Variants in LARGE1 observed in about 807,000 individuals in gnomAD.
LARGE1 encodes LARGE xylosyl- and glucuronyltransferase 1.
Under a neutral mutation model 87.6 loss-of-function variants are expected in LARGE1, and 43 were observed. The observed-to-expected ratio is 0.49, with a 90% CI of 0.38 to 0.63. The LOEUF is 0.63. LARGE1 is among the 30% of genes least tolerant of loss of function. The probability of loss-of-function intolerance (pLI) is 0.00; values close to 1 mark genes in which losing one functional copy is unlikely to be tolerated. For synonymous variants in LARGE1, 434 were observed against 394.6 expected (o/e 1.10, Z -1.18); for missense variants, 802 against 1,000.2 (o/e 0.80, Z 2.67).
chr22:33,101,413 G>A, the LARGE1 span, among the ~76,000 whole-genome samples: 1 of 152,172 alleles, frequency 6.6e-6, no homozygotes, highest in South Asian at 2.1e-4. Context: ...CTGAGATTTT[G>A]TAAGTAATGT....
intron 7 of LARGE1, among the ~76,000 whole-genome samples, chr22:33,387,139 G>C (rs2065352034): frequency 6.9e-6 from 1 of 144,996 alleles, no homozygotes; most frequent in African/African-American, 2.5e-5. Context: ...AACAAAAAAA[G>C]GGCGGGCAGG....
chr22:33,825,412 G>A (rs1380150658), intron 1 of LARGE1, among the ~76,000 whole-genome samples: 1 of 142,188 alleles, frequency 7.0e-6, no homozygotes, highest in African/African-American at 2.8e-5. Context: ...CCGAGACTGG[G>A]TAATTATAAA....
chr22:33,274,860 GTAA>G (rs1353290503), intron 14 of LARGE1, among the ~76,000 whole-genome samples: 5 of 152,292 alleles, frequency 3.3e-5, no homozygotes, highest in East Asian at 1.9e-4. Flanking sequence ...TAAGGTGAAA[GTAA>G]TAATATTCTT....
intron 1 of LARGE1, among the ~76,000 whole-genome samples, chr22:33,806,356 A>G (rs2086309152): frequency 1.3e-5 from 2 of 152,228 alleles, no homozygotes; most frequent in Non-Finnish European, 2.9e-5. Context: ...CACGTGAGCA[A>G]GCTGCAGTCC....
chr22:33,287,749 T>C (rs5754506), intron 12 of LARGE1, among the ~76,000 whole-genome samples: 38,835 of 151,974 alleles, frequency 0.26, 10,256 homozygotes, highest in African/African-American at 0.68. Context: ...GGACGATGAG[T>C]GAGAAAGCTG....
At chr22:33,387,426 CAA>C (rs758366490) in intron 7 of LARGE1, among the ~76,000 whole-genome samples, 344 of 67,340 alleles carry the variant, frequency 5.1e-3, no homozygotes, top group East Asian at 0.012. Flanking sequence ...GACTCTGTCT[CAA>C]AAAAAAAAAA....
At chr22:33,554,762 T>C (rs1266591014) in intron 6 of LARGE1, among the ~76,000 whole-genome samples, 4 of 152,226 alleles carry the variant, frequency 2.6e-5, no homozygotes, top group South Asian at 2.1e-4. Context: ...TCAATGACCT[T>C]TGGAGAAGAC....
At chr22:33,629,057 C>G (rs2080020571) in intron 3 of LARGE1, among the ~76,000 whole-genome samples, 1 of 152,182 alleles carries the variant, frequency 6.6e-6, no homozygotes, top group South Asian at 2.1e-4. Context: ...TCTGGGTTTT[C>G]TGGTACCTTT....
At chr22:33,667,225 C>T (rs2081294641) in intron 2 of LARGE1, among the ~76,000 whole-genome samples, 1 of 152,242 alleles carries the variant, frequency 6.6e-6, no homozygotes, top group African/African-American at 2.4e-5. Flanking sequence ...TTCCATCCTT[C>T]TCACATATTC....
chr22:33,653,148 G>C (rs1241642623), intron 2 of LARGE1, among the ~76,000 whole-genome samples: 1 of 152,132 alleles, frequency 6.6e-6, no homozygotes, highest in Non-Finnish European at 1.5e-5. Flanking sequence ...TGAACCTCTG[G>C]CTTCCTCGGG....
chr22:33,525,490 G>C (rs1210977945), intron 6 of LARGE1, among the ~76,000 whole-genome samples: 1 of 152,174 alleles, frequency 6.6e-6, no homozygotes, highest in African/African-American at 2.4e-5. Flanking sequence ...GTCACTGAGA[G>C]TAAAGAAAAA....
chr22:33,505,598 G>A (rs1287656556), intron 6 of LARGE1, among the ~76,000 whole-genome samples: 12 of 152,182 alleles, frequency 7.9e-5, no homozygotes, highest in African/African-American at 2.9e-4. Context: ...AGTTACAAGA[G>A]GAGATTTTGG....
chr22:33,385,941 C>G (rs2065309567), intron 7 of LARGE1, among the ~76,000 whole-genome samples: 3 of 148,950 alleles, frequency 2.0e-5, no homozygotes, highest in Admixed American at 2.0e-4. Flanking sequence ...AATGTCAACT[C>G]TAAGCCTCTT....
chr22:33,138,317 C>T, the LARGE1 span, among the ~76,000 whole-genome samples: 4 of 152,118 alleles, frequency 2.6e-5, no homozygotes, highest in Non-Finnish European at 4.4e-5. Flanking sequence ...TTGGAACTGC[C>T]GTATTTACCC....
intron 2 of LARGE1, among the ~76,000 whole-genome samples, chr22:33,738,143 T>G (rs1285358213): frequency 6.6e-6 from 1 of 152,208 alleles, no homozygotes; most frequent in African/African-American, 2.4e-5. Flanking sequence ...AATGTCATTT[T>G]CTGCTAATTT....
intron 7 of LARGE1, among the ~76,000 whole-genome samples, chr22:33,422,253 A>G (rs2066718637): frequency 6.6e-6 from 1 of 152,190 alleles, no homozygotes; most frequent in African/African-American, 2.4e-5. Context: ...AATTACACAT[A>G]ATTGTTAAGT....
chr22:33,100,258 G>T, the LARGE1 span, among the ~76,000 whole-genome samples: 348 of 143,586 alleles, frequency 2.4e-3, 4 homozygotes, highest in African/African-American at 8.7e-3. Context: ...TGAGGCAAGA[G>T]AATCGCTTGA....
At chr22:33,367,959 G>A (rs1385803585) in intron 9 of LARGE1, among the ~76,000 whole-genome samples, 1 of 152,026 alleles carries the variant, frequency 6.6e-6, no homozygotes, top group Non-Finnish European at 1.5e-5. Flanking sequence ...GTTTTCAATT[G>A]TAATCAAATA....
chr22:33,196,700 G>A (rs1196281766), intron 11 of LARGE1, among the ~76,000 whole-genome samples: 2 of 151,534 alleles, frequency 1.3e-5, no homozygotes. Flanking sequence ...AAATGAAAGA[G>A]CAAAAGGATG....
Sources: allele counts gnomAD v4.1 joint callset (sites outside exome capture counted in the v4.1 genomes callset), GRCh38; gene constraint gnomAD v4.1.1; transcripts MANE v1.5; gene names NCBI Gene and HGNC (gene_info 2026-07-23, HGNC 2026-07-21).